The following PALB2 variants were observed in gnomAD, a reference collection of about 807,000 sequenced individuals.
The protein encoded by PALB2 is mutant partner and localizer of BRCA2.
A neutral mutation model predicts 107.4 loss-of-function variants in PALB2; 82 were observed. The ratio of observed to expected loss-of-function variants is 0.76; its 90% CI spans 0.64 to 0.92. The LOEUF (loss-of-function observed/expected upper bound fraction) is 0.92. PALB2 is among the 40% of genes least tolerant of loss of function. PALB2 has a pLI of 0.00. For synonymous variants in PALB2, 489 were observed against 496.8 expected (o/e 0.98, Z 0.21); for missense variants, 1,374 against 1,379.9 (o/e 1.00, Z 0.07).
At chr16:23,613,951 C>G in intron 11 of PALB2, 53 bp downstream of exon 11, 1 of 1,357,934 alleles carries the variant, frequency 7.4e-7, no homozygotes, top group Non-Finnish European at 1.1e-6. Context: ...ACTGCTCTCA[C>G]TTAATGAGAC....
chr16:23,636,711 C>T (rs981479924), intron 3 of PALB2, among the ~76,000 whole-genome samples: 16 of 152,096 alleles, frequency 1.1e-4, no homozygotes, highest in Admixed American at 3.9e-4. Flanking sequence ...GTTTTTTAAA[C>T]GAACAGAGTA....
At chr16:23,620,339 T>A (rs972659632) in intron 10 of PALB2, among the ~76,000 whole-genome samples, 16 of 152,136 alleles carry the variant, frequency 1.1e-4, no homozygotes, top group African/African-American at 3.9e-4. Flanking sequence ...CCCCTCCCTT[T>A]CTAGCAGCTG....
chr16:23,629,909 C>A lies in PALB2; in HGVS notation c.2245G>T (p.Glu749Ter), dbSNP rs1555460431. Residue 749 changes from glutamate (E) to a stop codon, truncating the protein, a stop_gained, in exon 5 of 13, where the codon GAA becomes TAA. Coordinates refer to ENST00000261584, the MANE Select transcript of PALB2 (RefSeq NM_024675.4). LOFTEE classifies it high-confidence loss of function. ...GTGCAGCAAGTTCGTCCAGCAACTT[C>A]TGTAGATGCTTTTTCATAGGAGCCT... ...PQGSYEKAST[E>*]VAGRTCCTPQ... 1.2e-6 allele frequency: 2 copies of A among 1,614,186 alleles called. No individual in the cohort carries two copies. The highest frequency in any genetic ancestry group is 1.7e-6 in the Non-Finnish European group (2 of 1,180,038).
chr16:23,610,981 G>A (rs1159404111), intron 11 of PALB2, among the ~76,000 whole-genome samples: 2 of 151,980 alleles, frequency 1.3e-5, no homozygotes, highest in Non-Finnish European at 2.9e-5. Context: ...GGAGGTTGCA[G>A]TGAGCCGACA....
Position 23,641,268 on chromosome 16 carries a change from C to T in PALB2, c.-111G>A, listed in dbSNP as rs915451951. 7.2e-7 allele frequency: 1 copy of T among 1,387,062 alleles called. No individual in the cohort carries two copies. Among genetic ancestry groups the T allele is most frequent in the East Asian group, 2.5e-5 (1 of 40,480 alleles). 85.9% of individuals were successfully genotyped at this position (1,387,062 alleles called of 1,614,324 possible). A position where few individuals can be genotyped will look rare whatever the true frequency, so the allele number is the denominator to read the frequency against. ...GCGCCCCAGGAAGGAATGGGGAGCC[C>T]GGGATCGCACCCTCAGTGCGCGATC... On this transcript the variant is annotated 5_prime_UTR_variant, in exon 1 of 13. Coordinates refer to ENST00000261584, the MANE Select transcript of PALB2 (RefSeq NM_024675.4).
Position 23,630,307 on chromosome 16 carries a change from T to A in PALB2, c.1847A>T (p.Asp616Val), listed in dbSNP as rs876660063. 1.2e-6 allele frequency: 2 copies of A among 1,614,092 alleles called. No homozygotes were observed. The part of the protein sequence containing the change: ...FLSITDFQLP[D>V]EDFGPLKLEK... Reference sequence around the variant, plus strand: ...AAGCTTAAGAGGTCCAAAGTCTTCATCAGGTAACTGAAAGTCTGTGATACT... The same window carrying A: ...AAGCTTAAGAGGTCCAAAGTCTTCAACAGGTAACTGAAAGTCTGTGATACT... The change falls in exon 5 of 13, where the codon GAT becomes GTT. Residue 616 changes from aspartate (D) to valine (V), a missense_variant. Asp to Val is a radical substitution (Grantham distance 152). Transcript: ENST00000261584.
chr16:23,636,266 C>G lies in PALB2; in HGVS notation c.280G>C (p.Glu94Gln), dbSNP rs45602040. The change falls in exon 4 of 13, where the codon GAA becomes CAA. Residue 94 changes from glutamate (E) to glutamine (Q), a missense_variant. Coordinates refer to ENST00000261584, the MANE Select transcript of PALB2 (RefSeq NM_024675.4). Reference protein sequence around the residue: ...IKTHLDEETGEKTSITLDVGP... With the variant: ...IKTHLDEETGQKTSITLDVGP... ...ACATCAAGTGTGATAGATGTCTTTT[C>G]TCCAGTTTCTTCATCAAGATGGGTT... 4.3e-6 allele frequency: 7 copies of G among 1,613,840 alleles called. No homozygotes were observed. Among genetic ancestry groups the G allele is most frequent in the Non-Finnish European group, 5.1e-6 (6 of 1,179,934 alleles).
At chr16:23,627,154 A>T (rs1320299000) in intron 6 of PALB2, among the ~76,000 whole-genome samples, 2 of 152,152 alleles carry the variant, frequency 1.3e-5, no homozygotes, top group African/African-American at 4.8e-5. Context: ...GAGCGTGGCC[A>T]AAGCAGTATT....
chr16:23,628,778 C>G (rs925720751), intron 6 of PALB2, among the ~76,000 whole-genome samples: 1 of 152,064 alleles, frequency 6.6e-6, no homozygotes, highest in African/African-American at 2.4e-5. Flanking sequence ...GGATTATAGG[C>G]GCCCACCACC....
chr16:23,611,843 A>C (rs1217184368), intron 11 of PALB2, among the ~76,000 whole-genome samples: 1 of 152,036 alleles, frequency 6.6e-6, no homozygotes, highest in Non-Finnish European at 1.5e-5. Flanking sequence ...AGCCTGGAAC[A>C]CCTGGGCTCC....
rs2142377927 is a variant in PALB2, at chr16:23,629,931, G to C, written c.2223C>G (p.Gly741=). 6.2e-7 allele frequency: 1 copy of C among 1,614,200 alleles called. No homozygotes were observed. The highest frequency in any genetic ancestry group is 8.5e-7 in the Non-Finnish European group (1 of 1,180,040). ...CTTCTGTAGATGCTTTTTCATAGGA[G>C]CCTTGAGGGCCAAAGGCTGGAGTAG... The part of the protein sequence containing the change: ...LGTTPAFGPQ[G]SYEKASTEVA... Residue 741 remains glycine (G), a synonymous_variant, in exon 5 of 13, where the codon GGC becomes GGG. Transcript: ENST00000261584.
chr16:23,640,929 G>T, intron 1 of PALB2, 181 bp downstream of exon 1: 1 of 663,748 alleles, frequency 1.5e-6, no homozygotes, highest in Non-Finnish European at 2.6e-6. Context: ...TTCTTTAAAC[G>T]CCACCACGTG....
chr16:23,639,423 G>C (rs1303952111), intron 1 of PALB2, among the ~76,000 whole-genome samples: 2 of 150,558 alleles, frequency 1.3e-5, no homozygotes, highest in Non-Finnish European at 2.9e-5. Flanking sequence ...GGAGGCTGAA[G>C]CAGGAGAATT....
chr16:23,615,460 A>G (rs1443099377), intron 10 of PALB2, among the ~76,000 whole-genome samples: 1 of 151,630 alleles, frequency 6.6e-6, no homozygotes, highest in Non-Finnish European at 1.5e-5. Context: ...GCATGCCACC[A>G]TGCCTGAATA....
chr16:23,606,261 C>A (rs1341041455), intron 12 of PALB2, among the ~76,000 whole-genome samples: 2 of 151,758 alleles, frequency 1.3e-5, no homozygotes, highest in Non-Finnish European at 2.9e-5. Context: ...AAAAAATTAG[C>A]CAAGCGTGGT....
rs144944814 is a variant in PALB2, at chr16:23,638,077, C to T, written c.101G>A (p.Arg34His). ...LKREYSKTLA[R>H]LQRAQRAEKI... ...AGAATACGATTCACTTACCTGAAGG[C>T]GGGCTAGTGTCTTGCTGTATTCCCT... The change falls in exon 2 of 13, where the codon CGC (arginine) becomes CAC (histidine). Residue 34 changes from arginine to histidine, a missense_variant. Transcript: ENST00000261584. 3.2e-5 allele frequency: 51 copies of T among 1,613,602 alleles called. No homozygotes were observed. Among genetic ancestry groups the T allele is most frequent in the African/African-American group, 2.7e-5 (2 of 74,894 alleles).
At chr16:23,607,837 C>A in intron 12 of PALB2, 27 bp downstream of exon 12, 4 of 1,613,156 alleles carry the variant, frequency 2.5e-6, no homozygotes, top group South Asian at 1.1e-5. Flanking sequence ...ATGTCCCACC[C>A]ATAGAGTAGC....
intron 11 of PALB2, among the ~76,000 whole-genome samples, chr16:23,612,070 T>C (rs1193046819): frequency 2.0e-5 from 3 of 152,174 alleles, no homozygotes; most frequent in Non-Finnish European, 2.9e-5. Context: ...CCTCTCACTG[T>C]AATCACCAGG....
At position 23,635,824 on chromosome 16, in the gene PALB2, T is replaced by C. The variant is rs587780823; in HGVS notation, c.722A>G (p.Asn241Ser). ...AGGAACTGTAGTCGCCCTGGTGAAA[T>C]TAGGTCTTCTTAGGAATGTATCAAC... ...KGVDTFLRRP[N>S]FTRATTVPLQ... Residue 241 changes from asparagine to serine, a missense_variant, in exon 4 of 13, where the codon AAT (asparagine) becomes AGT (serine). Physicochemically the swap from Asn to Ser is conservative, Grantham distance 46 (BLOSUM62 1). Coordinates refer to ENST00000261584, the MANE Select transcript of PALB2 (RefSeq NM_024675.4). The C allele has an allele frequency of 6.2e-7, 1 of 1,614,148 alleles. No individual in the cohort carries two copies. Among genetic ancestry groups the C allele is most frequent in the Admixed American group, 1.7e-5 (1 of 60,016 alleles).
Sources: gnomAD v4.1 joint callset for allele counts (sites outside exome capture counted in the v4.1 genomes callset) on GRCh38, gnomAD v4.1.1 for gene constraint, MANE v1.5 for transcripts, NCBI Gene and HGNC (gene_info 2026-07-23, HGNC 2026-07-21) for gene names.